Variants in TMEM117 observed in about 807,000 individuals in gnomAD.
TMEM117 encodes transmembrane protein 117.
Under a neutral mutation model 52.4 loss-of-function variants are expected in TMEM117, and 27 were observed. The observed-to-expected ratio is 0.51, with a 90% CI of 0.38 to 0.71. TMEM117 has a LOEUF of 0.71. TMEM117 is among the 30% of genes least tolerant of loss of function. The probability of loss-of-function intolerance (pLI) is 0.00; values close to 1 mark genes in which losing one functional copy is unlikely to be tolerated. For synonymous variants in TMEM117, 215 were observed against 206.3 expected, an observed-to-expected ratio of 1.04 and a Z score of -0.36; for missense variants, 556 against 630.5, an observed-to-expected ratio of 0.88 and a Z score of 1.26.
At chr12:44,123,696 A>G (rs183962803) in intron 3 of TMEM117, among the ~76,000 whole-genome samples, 2 of 152,296 alleles carry the variant, frequency 1.3e-5, no homozygotes, top group Non-Finnish European at 2.9e-5. Context: ...GGTTTGTCAA[A>G]GATCAGATGG....
intron 3 of TMEM117, among the ~76,000 whole-genome samples, chr12:44,088,511 T>C (rs1947610674): frequency 2.0e-5 from 3 of 152,338 alleles, no homozygotes; most frequent in Admixed American, 6.5e-5. Flanking sequence ...ACAAGGTTAG[T>C]TGAGTTAAAT....
intron 2 of TMEM117, among the ~76,000 whole-genome samples, chr12:43,918,495 C>T (rs1944641646): frequency 6.6e-6 from 1 of 152,184 alleles, no homozygotes; most frequent in Admixed American, 6.5e-5. Flanking sequence ...GTTATTTCAC[C>T]ATGCTAATTC....
chr12:43,989,586 A>G (rs1945904778), intron 3 of TMEM117, among the ~76,000 whole-genome samples: 1 of 152,202 alleles, frequency 6.6e-6, no homozygotes, highest in South Asian at 2.1e-4. Flanking sequence ...CAAGATTCCA[A>G]TCAGAGATCG....
chr12:44,259,751 A>T (rs149619307), intron 5 of TMEM117, among the ~76,000 whole-genome samples: 4,650 of 152,256 alleles, frequency 0.031, 106 homozygotes, highest in Admixed American at 0.044. Flanking sequence ...TTTTTGAATT[A>T]AAATTATGTA....
chr12:44,198,318 G>T (rs746983748), intron 4 of TMEM117, among the ~76,000 whole-genome samples: 8 of 152,142 alleles, frequency 5.3e-5, no homozygotes, highest in Admixed American at 1.3e-4. Flanking sequence ...TTTAGATTTT[G>T]TTTCCATCTC....
At chr12:44,398,662 A>G in the TMEM117 span, among the ~76,000 whole-genome samples, 373 of 152,296 alleles carry the variant, frequency 2.4e-3, 1 homozygote, top group South Asian at 4.1e-3. Context: ...TGCTGGGGGC[A>G]GGCTACTGGG....
chr12:44,092,232 C>G (rs1472824833), intron 3 of TMEM117, among the ~76,000 whole-genome samples: 3 of 152,176 alleles, frequency 2.0e-5, no homozygotes, highest in African/African-American at 4.8e-5. Flanking sequence ...ATTAAATGCT[C>G]AACTTTGTGT....
At chr12:44,317,637 C>G (rs1951074712) in intron 6 of TMEM117, among the ~76,000 whole-genome samples, 1 of 152,156 alleles carries the variant, frequency 6.6e-6, no homozygotes, top group Non-Finnish European at 1.5e-5. Flanking sequence ...CTCAGGTGAT[C>G]CACCAGCCTG....
the TMEM117 span, among the ~76,000 whole-genome samples, chr12:43,811,610 T>C: frequency 1.3e-5 from 2 of 152,324 alleles, no homozygotes; most frequent in East Asian, 3.9e-4. Flanking sequence ...CATCATACAG[T>C]TCATTGGTTC....
chr12:44,189,652 G>A (rs1189185783), intron 4 of TMEM117, among the ~76,000 whole-genome samples: 9 of 152,278 alleles, frequency 5.9e-5, no homozygotes, highest in African/African-American at 9.6e-5. Context: ...GATCGTTTAC[G>A]TAAAAGGGAA....
At chr12:44,093,253 T>TTA (rs1947703791) in intron 3 of TMEM117, among the ~76,000 whole-genome samples, 2 of 152,156 alleles carry the variant, frequency 1.3e-5, no homozygotes, top group Admixed American at 1.3e-4. Context: ...TCAAATTAAA[T>TTA]TATATATTCA....
At chr12:44,116,764 C>A (rs1438125587) in intron 3 of TMEM117, among the ~76,000 whole-genome samples, 1 of 152,192 alleles carries the variant, frequency 6.6e-6, no homozygotes, top group Non-Finnish European at 1.5e-5. Flanking sequence ...TTAACCCCAT[C>A]TTTTTTCTTA....
chr12:43,946,391 T>TG (rs1372127735), intron 3 of TMEM117, among the ~76,000 whole-genome samples: 3 of 24,936 alleles, frequency 1.2e-4, no homozygotes, highest in Admixed American at 5.5e-4. Context: ...TTTTTTTTTT[T>TG]TTTGTTTGTT....
At chr12:43,941,472 T>G (rs1402438340) in intron 2 of TMEM117, among the ~76,000 whole-genome samples, 1 of 152,190 alleles carries the variant, frequency 6.6e-6, no homozygotes. Context: ...ATAGTCACCC[T>G]AAAGGGCAGA....
chr12:44,193,367 G>A (rs1056142015), intron 4 of TMEM117, among the ~76,000 whole-genome samples: 1 of 152,154 alleles, frequency 6.6e-6, no homozygotes, highest in African/African-American at 2.4e-5. Flanking sequence ...ATGGTCTTTT[G>A]TACAAAAGTA....
intron 4 of TMEM117, among the ~76,000 whole-genome samples, chr12:44,183,622 T>A (rs1949235438): frequency 6.6e-6 from 1 of 152,102 alleles, no homozygotes; most frequent in Admixed American, 6.6e-5. Flanking sequence ...TCACACAGAA[T>A]GATTTTGTGC....
At chr12:44,316,283 C>T (rs562962105) in intron 6 of TMEM117, among the ~76,000 whole-genome samples, 3 of 152,090 alleles carry the variant, frequency 2.0e-5, no homozygotes, top group South Asian at 2.1e-4. Flanking sequence ...ATTCTCTTAG[C>T]GTTTTTTTAT....
intron 4 of TMEM117, among the ~76,000 whole-genome samples, chr12:44,206,935 A>G (rs779059429): frequency 6.6e-6 from 1 of 152,194 alleles, no homozygotes; most frequent in Non-Finnish European, 1.5e-5. Context: ...TACCCATGCA[A>G]CAAACCTGCA....
At chr12:44,321,078 T>C (rs1951123479) in intron 6 of TMEM117, among the ~76,000 whole-genome samples, 1 of 152,236 alleles carries the variant, frequency 6.6e-6, no homozygotes, top group Non-Finnish European at 1.5e-5. Context: ...TTAAGATAAA[T>C]TTTCTATGTG....
Sources: gnomAD v4.1 joint callset for allele counts (sites outside exome capture counted in the v4.1 genomes callset) on GRCh38, gnomAD v4.1.1 for gene constraint, MANE v1.5 for transcripts, NCBI Gene and HGNC (gene_info 2026-07-23, HGNC 2026-07-21) for gene names.